Variants in NKAIN2 observed in about 807,000 individuals in gnomAD.
NKAIN2 encodes the protein sodium/potassium transporting ATPase interacting 2.
In NKAIN2, 14 loss-of-function variants were observed where a neutral mutation model predicts 32.6. The ratio of observed to expected loss-of-function variants is 0.43; its 90% CI spans 0.28 to 0.67. The LOEUF is 0.67. Ranked by LOEUF, NKAIN2 falls within the 30% of genes least tolerant of loss-of-function variation. The pLI is 0.17. For synonymous variants in NKAIN2, 80 were observed against 87.2 expected, an observed-to-expected ratio of 0.92 and a Z score of 0.46; for missense variants, 198 against 258.3, an observed-to-expected ratio of 0.77 and a Z score of 1.60.
chr6:124,573,549 A>T (rs1476633533), intron 3 of NKAIN2, among the ~76,000 whole-genome samples: 1 of 151,112 alleles, frequency 6.6e-6, no homozygotes, highest in Non-Finnish European at 1.5e-5. Context: ...AATTCTTCAC[A>T]AATTATTTTT....
At chr6:124,311,615 G>A (rs1523985) in intron 2 of NKAIN2, among the ~76,000 whole-genome samples, 37,957 of 152,038 alleles carry the variant, frequency 0.25, 5,952 homozygotes, top group East Asian at 0.45. Flanking sequence ...GAAGCAAAAC[G>A]CAAATAGGGA....
intron 1 of NKAIN2, among the ~76,000 whole-genome samples, chr6:124,069,010 A>G (rs1341345923): frequency 6.6e-6 from 1 of 152,116 alleles, no homozygotes; most frequent in Non-Finnish European, 1.5e-5. Flanking sequence ...AGCTCCTGTC[A>G]GACAAAGATC....
At chr6:124,163,736 C>G (rs1482789852) in intron 1 of NKAIN2, among the ~76,000 whole-genome samples, 2 of 151,526 alleles carry the variant, frequency 1.3e-5, no homozygotes, top group Admixed American at 1.3e-4. Flanking sequence ...AGAACAGAAA[C>G]AGAGATAATT....
intron 1 of NKAIN2, among the ~76,000 whole-genome samples, chr6:124,123,311 G>A (rs574847584): frequency 5.5e-4 from 84 of 152,134 alleles, no homozygotes; most frequent in African/African-American, 2.0e-3. Context: ...GAGCATTGGA[G>A]GGGAGAAGGA....
At chr6:124,817,096 G>T (rs965120079) in intron 5 of NKAIN2, among the ~76,000 whole-genome samples, 1 of 152,090 alleles carries the variant, frequency 6.6e-6, no homozygotes, top group Non-Finnish European at 1.5e-5. Flanking sequence ...TTCCAAGACT[G>T]AGCTGACTCA....
chr6:124,025,206 C>G lies in NKAIN2; in HGVS notation c.54+220952C>G, dbSNP rs936755473. 2.4e-4 allele frequency among the ~76,000 whole-genome samples: 37 copies of G among 152,076 alleles called. 1 individual carries two copies. The highest frequency in any genetic ancestry group is 2.9e-5 in the Non-Finnish European group (2 of 68,018). On this transcript the variant is annotated intron_variant, in intron 1 of 6. Coordinates refer to ENST00000368417, the MANE Select transcript of NKAIN2 (RefSeq NM_001040214.3). ...TTGTACCTAAGTCACTAATACATAC[C>G]TGTCTATCTCTATTCTTTGTTGCTA...
intron 4 of NKAIN2, among the ~76,000 whole-genome samples, chr6:124,692,938 C>G (rs1386459366): frequency 6.6e-6 from 1 of 152,170 alleles, no homozygotes; most frequent in Non-Finnish European, 1.5e-5. Context: ...AATGCCCAAC[C>G]TATTGTTGGA....
chr6:124,055,898 T>C (rs139124775), intron 1 of NKAIN2, among the ~76,000 whole-genome samples: 55 of 152,228 alleles, frequency 3.6e-4, no homozygotes, highest in African/African-American at 1.3e-3. Context: ...CCAGATGTGG[T>C]GAGATTTAAC....
intron 4 of NKAIN2, among the ~76,000 whole-genome samples, chr6:124,694,985 C>T (rs768044778): frequency 1.3e-5 from 2 of 152,056 alleles, no homozygotes; most frequent in Non-Finnish European, 2.9e-5. Context: ...GTTTTTCAAG[C>T]TCTAGCAGTA....
chr6:124,618,141 G>T (rs1012288421), intron 3 of NKAIN2, among the ~76,000 whole-genome samples: 5 of 152,140 alleles, frequency 3.3e-5, no homozygotes, highest in Non-Finnish European at 7.4e-5. Flanking sequence ...TAACCACTCT[G>T]GTAGTAAGCT....
At chr6:123,954,269 G>C (rs963235895) in intron 1 of NKAIN2, among the ~76,000 whole-genome samples, 4 of 152,196 alleles carry the variant, frequency 2.6e-5, no homozygotes, top group Non-Finnish European at 5.9e-5. Flanking sequence ...GGGATACAGC[G>C]TGAGCTCCCT....
At chr6:124,050,504 G>A (rs1283802707) in intron 1 of NKAIN2, among the ~76,000 whole-genome samples, 1 of 151,948 alleles carries the variant, frequency 6.6e-6, no homozygotes, top group Non-Finnish European at 1.5e-5. Flanking sequence ...TGGGTCAGAA[G>A]CTCCCTTCAG....
intron 1 of NKAIN2, among the ~76,000 whole-genome samples, chr6:123,968,941 G>A (rs1015279892): frequency 1.6e-4 from 24 of 152,076 alleles, no homozygotes; most frequent in African/African-American, 5.8e-4. Flanking sequence ...CCCCTCCTCT[G>A]GGCCATGAGC....
intron 3 of NKAIN2, among the ~76,000 whole-genome samples, chr6:124,444,768 A>T (rs1237360433): frequency 6.6e-6 from 1 of 151,976 alleles, no homozygotes; most frequent in East Asian, 1.9e-4. Context: ...CAAAAATTAC[A>T]AAAAAGAAGT....
chr6:124,068,301 A>AT (rs1468434763), intron 1 of NKAIN2, among the ~76,000 whole-genome samples: 1 of 152,138 alleles, frequency 6.6e-6, no homozygotes, highest in Non-Finnish European at 1.5e-5. Context: ...GTTTGTTCCT[A>AT]TTTTTTGGTG....
chr6:124,448,809 A>T (rs1416918897), intron 3 of NKAIN2, among the ~76,000 whole-genome samples: 1 of 152,112 alleles, frequency 6.6e-6, no homozygotes, highest in Non-Finnish European at 1.5e-5. Context: ...AATTCTGCCT[A>T]TGTATAGTGA....
At chr6:124,435,549 T>C (rs1775405921) in intron 3 of NKAIN2, among the ~76,000 whole-genome samples, 1 of 152,166 alleles carries the variant, frequency 6.6e-6, no homozygotes, top group Admixed American at 6.5e-5. Context: ...GCAAACAGAA[T>C]CACAGAGACT....
intron 3 of NKAIN2, among the ~76,000 whole-genome samples, chr6:124,591,126 A>G (rs1227855111): frequency 2.0e-5 from 3 of 152,218 alleles, no homozygotes; most frequent in Non-Finnish European, 2.9e-5. Context: ...AAATTAGGAA[A>G]TTCTAGAGAA....
intron 3 of NKAIN2, among the ~76,000 whole-genome samples, chr6:124,409,979 A>G (rs1001743001): frequency 4.6e-5 from 7 of 152,046 alleles, no homozygotes; most frequent in Admixed American, 6.6e-5. Flanking sequence ...GTTTATTTGC[A>G]TAGAGGTGTT....
Sources: gnomAD v4.1 joint callset for allele counts (sites outside exome capture counted in the v4.1 genomes callset) on GRCh38, gnomAD v4.1.1 for gene constraint, MANE v1.5 for transcripts, NCBI Gene and HGNC (gene_info 2026-07-23, HGNC 2026-07-21) for gene names.